Variants in SPOCK1 observed in about 807,000 individuals in gnomAD.
SPOCK1 encodes the protein SPARC (osteonectin), cwcv and kazal like domains proteoglycan 1, also known as testican-1.
SPOCK1 carries 23 observed loss-of-function variants against 55.3 expected under a neutral mutation model. That is an observed-to-expected ratio of 0.42 (90% CI 0.30 to 0.59). The LOEUF (loss-of-function observed/expected upper bound fraction) is 0.59. SPOCK1 is among the 20% of genes least tolerant of loss of function. SPOCK1 has a pLI of 0.22. For synonymous variants in SPOCK1, 226 were observed against 221.0 expected, an observed-to-expected ratio of 1.02 and a Z score of -0.20; for missense variants, 499 against 552.5, an observed-to-expected ratio of 0.90 and a Z score of 0.97.
intron 4 of SPOCK1, among the ~76,000 whole-genome samples, chr5:137,135,888 T>C (rs150798366): frequency 9.9e-4 from 151 of 152,350 alleles, no homozygotes; most frequent in African/African-American, 2.8e-3. Context: ...CTCATTCATC[T>C]CTTGTTGACA....
rs775585645 is a variant in SPOCK1 at position 137,112,468 on chromosome 5, G to A, written c.441C>T (p.Val147=). Residue 147 remains valine (V), a synonymous_variant, in exon 5 of 11, where the codon GTC becomes GTT. Transcript: ENST00000394945. ...TGTAGGAGTGGCCATCTGAGCCGCA[G>A]ACCATGGCTGACTGTGCCACGGGAC... ...KPCPVAQSAM[V]CGSDGHSYTS... The A allele has an allele frequency of 1.2e-6, 2 of 1,613,956 alleles. No homozygotes were observed. The highest frequency in any genetic ancestry group is 2.2e-5 in the South Asian group (2 of 91,070).
At chr5:137,411,075 C>A (rs1214422917) in intron 2 of SPOCK1, among the ~76,000 whole-genome samples, 1 of 152,186 alleles carries the variant, frequency 6.6e-6, no homozygotes, top group East Asian at 1.9e-4. Flanking sequence ...TTGGCACCCT[C>A]TTACGGACCG....
At chr5:137,034,759 G>A (rs1751848258) in intron 6 of SPOCK1, among the ~76,000 whole-genome samples, 1 of 152,038 alleles carries the variant, frequency 6.6e-6, no homozygotes, top group South Asian at 2.1e-4. Context: ...GTCCAAACAG[G>A]AGCCATGTGG....
chr5:137,498,268 A>G lies in SPOCK1; in HGVS notation c.186+105T>C, dbSNP rs1394965468. 2.5e-5 allele frequency: 5 copies of G among 199,088 alleles called. No homozygotes were observed. In the South Asian group the frequency reaches 9.4e-4, roughly 38 times the overall value. 12.3% of individuals were successfully genotyped at this position (199,088 alleles called of 1,614,324 possible). ...ATGCCCACCTGTCCCCCTCCCAACC[A>G]CACACACACACACACACACACACAC... On this transcript the variant is annotated intron_variant, in intron 2 of 10. Coordinates refer to ENST00000394945, the MANE Select transcript of SPOCK1 (RefSeq NM_004598.4).
intron 2 of SPOCK1, among the ~76,000 whole-genome samples, chr5:137,442,285 C>T (rs754033015): frequency 3.9e-5 from 6 of 151,992 alleles, no homozygotes; most frequent in African/African-American, 1.4e-4. Flanking sequence ...GACGGGGGAG[C>T]GGGGGGAAGA....
At chr5:136,992,669 G>T (rs962569658) in intron 6 of SPOCK1, 69 bp from the exon 7 acceptor site, 7 of 1,249,698 alleles carry the variant, frequency 5.6e-6, no homozygotes, top group African/African-American at 1.5e-5. Flanking sequence ...AGGGCTACTG[G>T]CAAAGCCACG....
At chr5:137,417,332 C>CT (rs35711384) in intron 2 of SPOCK1, among the ~76,000 whole-genome samples, 7,011 of 117,748 alleles carry the variant, frequency 0.06, 209 homozygotes, top group Middle Eastern at 0.16. Flanking sequence ...TAACCCATTT[C>CT]TTTTTTTTTT....
intron 6 of SPOCK1, among the ~76,000 whole-genome samples, chr5:137,024,181 G>A (rs1751624528): frequency 6.6e-6 from 1 of 151,948 alleles, no homozygotes; most frequent in South Asian, 2.1e-4. Context: ...AGCAGCACAG[G>A]TACTGCTACT....
intron 2 of SPOCK1, among the ~76,000 whole-genome samples, chr5:137,296,316 C>T (rs893550156): frequency 6.6e-6 from 1 of 152,108 alleles, no homozygotes; most frequent in Non-Finnish European, 1.5e-5. Context: ...ATATGCATGC[C>T]TTTCTCAAAT....
At chr5:137,138,240 T>C (rs1230763100) in intron 4 of SPOCK1, among the ~76,000 whole-genome samples, 1 of 152,200 alleles carries the variant, frequency 6.6e-6, no homozygotes, top group African/African-American at 2.4e-5. Context: ...TGTAATTTTA[T>C]GGTCACCAGG....
intron 2 of SPOCK1, among the ~76,000 whole-genome samples, chr5:137,304,187 C>T (rs1053225068): frequency 2.0e-5 from 3 of 151,872 alleles, no homozygotes; most frequent in Non-Finnish European, 2.9e-5. Context: ...CTGGAGAAAA[C>T]CACAGTCAAA....
intron 2 of SPOCK1, among the ~76,000 whole-genome samples, chr5:137,356,236 C>A (rs1311192090): frequency 3.3e-5 from 5 of 152,174 alleles, no homozygotes; most frequent in African/African-American, 1.2e-4. Context: ...ATCAAGCCCA[C>A]CACCAAAAAG....
chr5:137,346,745 C>T (rs1002480259), intron 2 of SPOCK1, among the ~76,000 whole-genome samples: 1 of 152,238 alleles, frequency 6.6e-6, no homozygotes, highest in African/African-American at 2.4e-5. Context: ...AAAGACAACT[C>T]CTGATAGCAC....
intron 6 of SPOCK1, among the ~76,000 whole-genome samples, chr5:137,043,519 G>C (rs1752040317): frequency 6.6e-6 from 1 of 152,170 alleles, no homozygotes; most frequent in Non-Finnish European, 1.5e-5. Flanking sequence ...AGAGAAGCCT[G>C]ACAAACACTA....
intron 3 of SPOCK1, among the ~76,000 whole-genome samples, chr5:137,232,709 G>A (rs758540895): frequency 6.6e-6 from 1 of 152,078 alleles, no homozygotes. Context: ...CCTTATCCAT[G>A]TTTACCAAAA....
intron 2 of SPOCK1, among the ~76,000 whole-genome samples, chr5:137,343,509 G>C (rs758793634): frequency 2.0e-5 from 3 of 152,218 alleles, no homozygotes; most frequent in Non-Finnish European, 4.4e-5. Flanking sequence ...ACCTGTGGAA[G>C]AGCCTTGCAG....
At chr5:137,488,008 G>A (rs963675165) in intron 2 of SPOCK1, among the ~76,000 whole-genome samples, 6 of 152,190 alleles carry the variant, frequency 3.9e-5, no homozygotes, top group African/African-American at 1.2e-4. Flanking sequence ...GCTAAATGGT[G>A]TTGGCTATTT....
chr5:137,042,943 C>T (rs930212896), intron 6 of SPOCK1, among the ~76,000 whole-genome samples: 1 of 152,064 alleles, frequency 6.6e-6, no homozygotes, highest in African/African-American at 2.4e-5. Context: ...CAACAACATT[C>T]CCGAAGTAGT....
chr5:137,313,492 A>C, intron 2 of SPOCK1: 1 of 985,368 alleles, frequency 1.0e-6, no homozygotes, highest in Middle Eastern at 5.2e-4. Context: ...ACACCCACCC[A>C]AAACAAGGAC....
Sources: allele counts gnomAD v4.1 joint callset (sites outside exome capture counted in the v4.1 genomes callset), GRCh38; gene constraint gnomAD v4.1.1; transcripts MANE v1.5; gene names NCBI Gene and HGNC (gene_info 2026-07-23, HGNC 2026-07-21).